Variants in TMPRSS15 observed in about 807,000 individuals in gnomAD.
The protein encoded by TMPRSS15 is enteropeptidase.
A neutral mutation model predicts 125.3 loss-of-function variants in TMPRSS15; 128 were observed. The observed-to-expected ratio is 1.02, with a 90% CI of 0.89 to 1.18. The LOEUF (loss-of-function observed/expected upper bound fraction) is 1.18, where lower values mean the gene tolerates loss of function less well. Ranked by LOEUF, TMPRSS15 falls within the 50% of genes most tolerant of loss-of-function variation. The pLI is 0.00. For missense variants in TMPRSS15, 1,283 were observed against 1,212.7 expected, an observed-to-expected ratio of 1.06 and a Z score of -0.86; for synonymous variants, 446 against 423.2, an observed-to-expected ratio of 1.05 and a Z score of -0.66.
At chr21:18,381,767 A>G (rs2075894817) in intron 4 of TMPRSS15, among the ~76,000 whole-genome samples, 1 of 152,128 alleles carries the variant, frequency 6.6e-6, no homozygotes, top group Non-Finnish European at 1.5e-5. Flanking sequence ...AGAACAGACC[A>G]TCAGAAACCA....
intron 13 of TMPRSS15, among the ~76,000 whole-genome samples, chr21:18,332,392 T>C (rs531985180): frequency 6.6e-6 from 1 of 152,284 alleles, no homozygotes; most frequent in Admixed American, 6.5e-5. Context: ...CTTTTTTTCA[T>C]GTGATTGTTG....
At chr21:18,294,518 A>T in intron 20 of TMPRSS15, 74 bp from the exon 21 acceptor site, 2 of 1,603,562 alleles carry the variant, frequency 1.2e-6, no homozygotes, top group Non-Finnish European at 1.7e-6. Flanking sequence ...TTGAGTGGTA[A>T]CAAAATAACT....
At chr21:18,482,026 C>T (rs1367918509) in intron 1 of TMPRSS15, among the ~76,000 whole-genome samples, 1 of 151,564 alleles carries the variant, frequency 6.6e-6, no homozygotes, top group Non-Finnish European at 1.5e-5. Flanking sequence ...TGCTTTACTT[C>T]AGCATTTACA....
chr21:18,477,807 T>C (rs1290757257), intron 1 of TMPRSS15: 26 of 152,102 alleles, frequency 1.7e-4, no homozygotes. Context: ...ATAATCACCC[T>C]TACTGTAGCA....
chr21:18,292,755 T>C (rs530468236), intron 21 of TMPRSS15, among the ~76,000 whole-genome samples: 221 of 152,334 alleles, frequency 1.5e-3, no homozygotes, highest in African/African-American at 5.1e-3. Context: ...ACAGTTAGGA[T>C]ACAGATGTTA....
intron 6 of TMPRSS15, among the ~76,000 whole-genome samples, chr21:18,371,722 G>A (rs1342158607): frequency 2.6e-5 from 4 of 152,040 alleles, no homozygotes; most frequent in Non-Finnish European, 5.9e-5. Flanking sequence ...TTTTAATATG[G>A]TGCTCAGTGA....
intron 24 of TMPRSS15, 79 bp downstream of exon 24, chr21:18,275,118 C>T (rs918160767): frequency 6.5e-7 from 1 of 1,539,704 alleles, no homozygotes; most frequent in African/African-American, 1.4e-5. Context: ...TCTTTACTCC[C>T]TAATTATTGT....
intron 6 of TMPRSS15, 59 bp from the exon 7 acceptor site, chr21:18,365,307 C>T: frequency 7.8e-7 from 1 of 1,288,892 alleles, no homozygotes; most frequent in Non-Finnish European, 1.1e-6. Flanking sequence ...AAATTGGCTG[C>T]AAAACATTTC....
At chr21:18,362,934 A>G (rs1210300790) in intron 7 of TMPRSS15, among the ~76,000 whole-genome samples, 2 of 152,274 alleles carry the variant, frequency 1.3e-5, no homozygotes, top group South Asian at 2.1e-4. Context: ...TTGAACCCAC[A>G]CAAACTGTCT....
chr21:18,331,024 G>A (rs2075339738), intron 14 of TMPRSS15, among the ~76,000 whole-genome samples: 1 of 138,720 alleles, frequency 7.2e-6, no homozygotes, highest in African/African-American at 2.7e-5. Context: ...AGTGAGCCGA[G>A]ATCGCACCAC....
chr21:18,387,645 A>G (rs1312511315), intron 3 of TMPRSS15, among the ~76,000 whole-genome samples: 1 of 149,208 alleles, frequency 6.7e-6, no homozygotes, highest in African/African-American at 2.5e-5. Flanking sequence ...ACACACACAC[A>G]CACACGCACA....
At chr21:18,480,353 G>A (rs1978960362) in intron 1 of TMPRSS15, among the ~76,000 whole-genome samples, 1 of 151,822 alleles carries the variant, frequency 6.6e-6, no homozygotes, top group African/African-American at 2.4e-5. Flanking sequence ...GGTGCTGTAG[G>A]TTGACAAAGA....
At position 18,380,357 on chromosome 21, in the gene TMPRSS15, T is replaced by A. The variant is rs1177350667; in HGVS notation, c.497-1039A>T. Among the ~76,000 whole-genome samples, 4 of 152,148 alleles carry A rather than the reference T, an allele frequency of 2.6e-5. No individual in the cohort carries two copies. In the East Asian group the frequency reaches 7.7e-4, roughly 29 times the overall value. On this transcript the variant is annotated intron_variant, in intron 4 of 24. Coordinates refer to ENST00000284885, the MANE Select transcript of TMPRSS15 (RefSeq NM_002772.3). ...AAATGTATATCCTTGGCATAAGTGA[T>A]GAGGCATTAGGAACATTGTAATATT...
intron 12 of TMPRSS15, 26 bp from the exon 13 acceptor site, chr21:18,341,574 C>A (rs376716677): frequency 1.2e-6 from 2 of 1,612,968 alleles, no homozygotes; most frequent in African/African-American, 1.3e-5. Flanking sequence ...GCATATGAAA[C>A]GATTTGATTC....
chr21:18,451,719 C>A (rs1283881487), intron 1 of TMPRSS15, among the ~76,000 whole-genome samples: 1 of 152,076 alleles, frequency 6.6e-6, no homozygotes, highest in Non-Finnish European at 1.5e-5. Context: ...TTTACTTTTT[C>A]TCTCTTCTAC....
chr21:18,312,294 A>G (rs1040482210), intron 18 of TMPRSS15, among the ~76,000 whole-genome samples: 1 of 151,898 alleles, frequency 6.6e-6, no homozygotes, highest in Non-Finnish European at 1.5e-5. Context: ...GCGAAATTAC[A>G]TATTTGATGC....
intron 13 of TMPRSS15, among the ~76,000 whole-genome samples, chr21:18,332,381 GC>G (rs1004665680): frequency 2.4e-4 from 36 of 152,232 alleles, no homozygotes; most frequent in African/African-American, 8.2e-4. Flanking sequence ...GTGATGTTGA[GC>G]TTTTTTTCAT....
At chr21:18,358,140 G>T (rs1360217445) in intron 8 of TMPRSS15, among the ~76,000 whole-genome samples, 1 of 151,698 alleles carries the variant, frequency 6.6e-6, no homozygotes. Context: ...TTCACAAATT[G>T]CTGATACCCT....
Position 18,372,212 on chromosome 21 carries a change from G to T in TMPRSS15, c.645C>A (p.Asp215Glu), listed in dbSNP as rs776663117. The T allele has an allele frequency of 1.1e-5, 17 of 1,606,912 alleles. No individual in the cohort carries two copies. Among genetic ancestry groups the T allele is most frequent in the Non-Finnish European group, 1.4e-5 (16 of 1,175,916 alleles). The change falls in exon 6 of 25, where the codon GAC (aspartate) becomes GAA (glutamate). Residue 215 changes from aspartate to glutamate, a missense_variant. Transcript: ENST00000284885. ...DGEVNCPDGS[D>E]EDNKMCATVC... ...ACTTACCACACATTTTATTGTCTTC[G>T]TCAGAACCATCTGGACAGTTTACTT...
Sources: allele counts gnomAD v4.1 joint callset (sites outside exome capture counted in the v4.1 genomes callset), GRCh38; gene constraint gnomAD v4.1.1; transcripts MANE v1.5; gene names NCBI Gene and HGNC (gene_info 2026-07-23, HGNC 2026-07-21).